Variants in CSMD1 observed in about 807,000 individuals in gnomAD.
CSMD1 encodes the protein CUB and sushi domain-containing protein 1.
CSMD1 carries 213 observed loss-of-function variants against 417.5 expected under a neutral mutation model. The observed-to-expected ratio is 0.51, with a 90% CI of 0.46 to 0.57. The LOEUF is 0.57. Ranked by LOEUF, CSMD1 falls within the 20% of genes least tolerant of loss-of-function variation. CSMD1 has a pLI of 0.00. For missense variants in CSMD1, 6,923 were observed against 4,529.7 expected, an observed-to-expected ratio of 1.53 and a Z score of -15.17; for synonymous variants, 2,862 against 1,736.8, an observed-to-expected ratio of 1.65 and a Z score of -16.11.
intron 1 of CSMD1, among the ~76,000 whole-genome samples, chr8:4,749,944 G>C (rs1196092408): frequency 6.6e-6 from 1 of 151,772 alleles, no homozygotes; most frequent in East Asian, 1.9e-4. Context: ...ATTAGCCAAG[G>C]TCTTCATGGT....
intron 1 of CSMD1, among the ~76,000 whole-genome samples, chr8:4,914,983 C>G (rs894436118): frequency 2.0e-5 from 3 of 152,102 alleles, no homozygotes; most frequent in African/African-American, 7.2e-5. Context: ...TGTGAAATTA[C>G]CAGGCAATAG....
intron 1 of CSMD1, among the ~76,000 whole-genome samples, chr8:4,757,609 G>C (rs11984790): frequency 2.0e-5 from 3 of 152,112 alleles, no homozygotes; most frequent in Non-Finnish European, 4.4e-5. Flanking sequence ...TCTCTACCAA[G>C]TTGGATTATG....
chr8:4,127,099 T>G (rs1444802323), intron 3 of CSMD1, among the ~76,000 whole-genome samples: 1 of 152,032 alleles, frequency 6.6e-6, no homozygotes. Context: ...TTAACAATCC[T>G]AGTTATCTGA....
chr8:4,877,739 T>C (rs987779386), intron 1 of CSMD1, among the ~76,000 whole-genome samples: 1 of 152,120 alleles, frequency 6.6e-6, no homozygotes, highest in African/African-American at 2.4e-5. Context: ...GACTATGTGT[T>C]TGCACTTTCA....
chr8:3,555,090 C>G (rs77559327), intron 10 of CSMD1, among the ~76,000 whole-genome samples: 8,274 of 151,998 alleles, frequency 0.054, 788 homozygotes, highest in African/African-American at 0.19. Context: ...CAAGTGCAGC[C>G]GTAGGACCCG....
In CSMD1 at chr8:4,420,089, A is replaced by T. The variant is rs775185615; in HGVS notation, c.303-24T>A. The T allele has an allele frequency of 5.4e-6, 8 of 1,488,118 alleles. 1 individual carries two copies. In the South Asian group the frequency reaches 9.7e-5, roughly 18 times the overall value. 92.2% of individuals were successfully genotyped at this position (1,488,118 alleles called of 1,614,324 possible). A position where few individuals can be genotyped will look rare whatever the true frequency, so the allele number is the denominator to read the frequency against. ...ATCTAAATTTAAAAGACAAGACACA[A>T]AGAGAGTTAAAAGCATGAATTTGTC... On this transcript the variant is annotated intron_variant, in intron 2 of 69. Coordinates refer to ENST00000635120, the MANE Select transcript of CSMD1 (RefSeq NM_033225.6).
At chr8:4,800,438 CA>C (rs11463488) in intron 1 of CSMD1, among the ~76,000 whole-genome samples, 36,127 of 114,800 alleles carry the variant, frequency 0.31, 4,451 homozygotes, top group Non-Finnish European at 0.35. Flanking sequence ...GACTTCATCT[CA>C]AAAAAAAAAA....
At chr8:4,621,714 A>C (rs1238879690) in intron 2 of CSMD1, among the ~76,000 whole-genome samples, 2 of 152,068 alleles carry the variant, frequency 1.3e-5, no homozygotes, top group African/African-American at 4.8e-5. Context: ...AAATCTTAAA[A>C]AGGCTACAAA....
chr8:3,698,745 C>T (rs186304085), intron 7 of CSMD1, among the ~76,000 whole-genome samples: 3 of 152,208 alleles, frequency 2.0e-5, no homozygotes, highest in Admixed American at 1.3e-4. Flanking sequence ...GGATCATGTT[C>T]ATTACTGAAG....
In CSMD1 at chr8:4,042,838, A is replaced by AAAAAAAAAAAAAAAAAAAC. The variant is rs1797961574; in HGVS notation, c.416-10740_416-10739insGTTTTTTTTTTTTTTTTTT. ...ATTAAAAAAAAAAAAAAAAAAAAAA[A>AAAAAAAAAAAAAAAAAAAC]AAAAGCAGGCTGGGCACGGTGGCTC... is the stretch of plus-strand genomic sequence containing the variant. On this transcript the variant is annotated intron_variant, in intron 3 of 69. Transcript: ENST00000635120. Among the ~76,000 whole-genome samples, 2 of 129,536 alleles carry AAAAAAAAAAAAAAAAAAAC rather than the reference A, an allele frequency of 1.5e-5. 1 individual carries two copies. The highest frequency in any genetic ancestry group is 6.2e-5 in the African/African-American group (2 of 32,084). 85.0% of individuals were successfully genotyped at this position (129,536 alleles called of 152,430 possible).
At chr8:4,288,474 T>C (rs1414462536) in intron 3 of CSMD1, among the ~76,000 whole-genome samples, 1 of 152,200 alleles carries the variant, frequency 6.6e-6, no homozygotes, top group Non-Finnish European at 1.5e-5. Flanking sequence ...CTGCTGACGA[T>C]GAGGCTATGG....
In CSMD1 at chr8:3,599,716, A is replaced by G. The variant is rs117982754; in HGVS notation, c.1098-13456T>C. ...CTTTGAGTATCTGCTGCATGCCCAG[A>G]TTGGCGCCAACCTATACCTTGCACT... On this transcript the variant is annotated intron_variant, in intron 8 of 69. Transcript: ENST00000635120. Among the ~76,000 whole-genome samples, 161 of 152,296 alleles carry G rather than the reference A, an allele frequency of 1.1e-3. 3 individuals carry two copies. The East Asian group carries it at 0.025, about 23-fold the overall frequency.
At chr8:3,089,242 C>T (rs1814757197) in intron 48 of CSMD1, among the ~76,000 whole-genome samples, 1 of 152,160 alleles carries the variant, frequency 6.6e-6, no homozygotes, top group Non-Finnish European at 1.5e-5. Context: ...CTAATGGGTA[C>T]CCAGGTGAGA....
intron 1 of CSMD1, among the ~76,000 whole-genome samples, chr8:4,858,237 A>G (rs1489125774): frequency 6.6e-6 from 1 of 150,610 alleles, no homozygotes; most frequent in South Asian, 2.1e-4. Context: ...AAAACTCTCA[A>G]TAAATTAGGT....
chr8:3,973,655 G>C (rs754192840), intron 5 of CSMD1, among the ~76,000 whole-genome samples: 10 of 152,110 alleles, frequency 6.6e-5, no homozygotes, highest in African/African-American at 2.4e-4. Flanking sequence ...ACTCCCTCAA[G>C]TACCTCACAG....
rs548963722 is a variant in CSMD1, at chr8:3,856,918, C to T, written c.819-102876G>A. Among the ~76,000 whole-genome samples, 429 of 152,262 alleles carry T rather than the reference C, an allele frequency of 2.8e-3. 2 individuals are homozygous for T. Among genetic ancestry groups the T allele is most frequent in the African/African-American group, 4.3e-3 (180 of 41,570 alleles). Reference sequence around the variant, plus strand: ...AACTACTCAGACTGGAGGTGGTTTGCTACCACAGTGTAGCCTAGCTATCCT... The same window carrying T: ...AACTACTCAGACTGGAGGTGGTTTGTTACCACAGTGTAGCCTAGCTATCCT... On this transcript the variant is annotated intron_variant, in intron 5 of 69. Coordinates refer to ENST00000635120, the MANE Select transcript of CSMD1 (RefSeq NM_033225.6).
chr8:4,022,352 A>G (rs1040335837), intron 4 of CSMD1, among the ~76,000 whole-genome samples: 1 of 152,076 alleles, frequency 6.6e-6, no homozygotes, highest in African/African-American at 2.4e-5. Context: ...AGTGAATAGC[A>G]TACTTAAAAT....
intron 3 of CSMD1, among the ~76,000 whole-genome samples, chr8:4,122,749 G>A (rs1024946675): frequency 5.3e-5 from 8 of 152,074 alleles, no homozygotes; most frequent in African/African-American, 1.9e-4. Flanking sequence ...TCTGTGAAAG[G>A]GGAAGATTTC....
rs559826866 is a variant in CSMD1 at position 3,166,795 on chromosome 8, T to G, written c.5726-4518A>C. Among the ~76,000 whole-genome samples, 5 of 152,150 alleles carry G rather than the reference T, an allele frequency of 3.3e-5. No homozygotes were observed. The South Asian group carries it at 1.0e-3, about 32-fold the overall frequency. On this transcript the variant is annotated intron_variant, in intron 37 of 69. Coordinates refer to ENST00000635120, the MANE Select transcript of CSMD1 (RefSeq NM_033225.6). ...ATTCTTAAGGCAGACTAAAAAGAAC[T>G]CACAAAACGTAACTATGATAGGAAA... is the stretch of plus-strand genomic sequence containing the variant.
Sources: allele counts gnomAD v4.1 joint callset (sites outside exome capture counted in the v4.1 genomes callset), GRCh38; gene constraint gnomAD v4.1.1; transcripts MANE v1.5; gene names NCBI Gene and HGNC (gene_info 2026-07-23, HGNC 2026-07-21).